Variants in PEAK1 observed in about 807,000 individuals in gnomAD.
PEAK1 encodes the protein pseudopodium enriched atypical kinase 1, also known as inactive tyrosine-protein kinase PEAK1.
Under a neutral mutation model 124.7 loss-of-function variants are expected in PEAK1, and 54 were observed. That is an observed-to-expected ratio of 0.43 (90% CI 0.35 to 0.54). PEAK1 has a LOEUF of 0.54. Among genes scored for constraint, PEAK1 ranks in the 20% least tolerant of loss-of-function variants. The pLI, the probability that PEAK1 is intolerant of heterozygous loss-of-function variation, is 0.01. For missense variants in PEAK1, 2,046 were observed against 2,134.5 expected (o/e 0.96, Z 0.82); for synonymous variants, 719 against 760.0 (o/e 0.95, Z 0.89).
chr15:77,238,832 T>C (rs1249095487), intron 6 of PEAK1, among the ~76,000 whole-genome samples: 1 of 152,162 alleles, frequency 6.6e-6, no homozygotes, highest in African/African-American at 2.4e-5. Context: ...ACTGTGAAGG[T>C]AGGGAGAGGT....
intron 1 of PEAK1, chr15:77,419,170 G>T: frequency 1.0e-6 from 1 of 985,216 alleles, no homozygotes; most frequent in Non-Finnish European, 1.2e-6. Context: ...ACAACGAATC[G>T]CAAAAAGTAA....
chr15:77,242,620 A>C (rs1463559759), intron 6 of PEAK1, among the ~76,000 whole-genome samples: 1 of 152,126 alleles, frequency 6.6e-6, no homozygotes, highest in African/African-American at 2.4e-5. Context: ...TTTCCACAAA[A>C]GGGGTCTATT....
rs1265836497 is a variant in PEAK1, at chr15:77,115,229, C to G, written c.4168G>C (p.Asp1390His). ...ACTTCAGCAAGGAAATGACCACAGT[C>G]CTGCTGAATGTTAAAATGGACAGCC... is the stretch of plus-strand genomic sequence containing the variant. ...SLAVHFNIQQDCGHFLAEVPN... is the reference protein window; with the variant it reads ...SLAVHFNIQQHCGHFLAEVPN... Residue 1390 changes from aspartate to histidine, a missense_variant, in exon 10 of 10, where the codon GAC becomes CAC. Transcript: ENST00000682557. 1.2e-6 allele frequency: 2 copies of G among 1,614,176 alleles called. No homozygotes were observed. The highest frequency in any genetic ancestry group is 1.7e-6 in the Non-Finnish European group (2 of 1,180,028).
chr15:77,105,996 C>A (rs1403181048), downstream of PEAK1: 2 of 152,276 alleles, frequency 1.3e-5, no homozygotes, highest in Non-Finnish European at 2.9e-5. Context: ...TCCAGTTACA[C>A]CAAAGGACAA....
intron 2 of PEAK1, among the ~76,000 whole-genome samples, chr15:77,351,352 G>A (rs769806368): frequency 2.6e-5 from 4 of 152,092 alleles, no homozygotes; most frequent in Non-Finnish European, 4.4e-5. Flanking sequence ...AATAGAGCTC[G>A]GTAATAGGTA....
intron 2 of PEAK1, among the ~76,000 whole-genome samples, chr15:77,295,182 G>A (rs1335772878): frequency 2.0e-5 from 3 of 152,082 alleles, no homozygotes; most frequent in African/African-American, 7.2e-5. Flanking sequence ...TATATGCACA[G>A]GCCACAGTGG....
intron 5 of PEAK1, among the ~76,000 whole-genome samples, chr15:77,272,438 A>G (rs2062087725): frequency 6.6e-6 from 1 of 152,152 alleles, no homozygotes; most frequent in Non-Finnish European, 1.5e-5. Flanking sequence ...TATAACAGCC[A>G]ATACCAAAGA....
chr15:77,160,719 A>C (rs1222474104), intron 7 of PEAK1, among the ~76,000 whole-genome samples: 1 of 152,140 alleles, frequency 6.6e-6, no homozygotes, highest in African/African-American at 2.4e-5. Flanking sequence ...AAAATGTTAA[A>C]GCTCCAGACA....
At chr15:77,284,709 G>A (rs1214133170) in intron 4 of PEAK1, among the ~76,000 whole-genome samples, 1 of 152,074 alleles carries the variant, frequency 6.6e-6, no homozygotes, top group Non-Finnish European at 1.5e-5. Flanking sequence ...ATAGCAAAAG[G>A]AGCTCAGACT....
intron 5 of PEAK1, among the ~76,000 whole-genome samples, chr15:77,267,195 C>T (rs1420371069): frequency 6.6e-6 from 1 of 152,122 alleles, no homozygotes; most frequent in African/African-American, 2.4e-5. Context: ...AACACACCCC[C>T]ATCCCCTACA....
intron 2 of PEAK1, among the ~76,000 whole-genome samples, chr15:77,301,940 T>C (rs1210869145): frequency 1.3e-5 from 2 of 152,232 alleles, no homozygotes; most frequent in Admixed American, 6.5e-5. Flanking sequence ...TGGATTATGA[T>C]CCAACAATAC....
intron 1 of PEAK1, among the ~76,000 whole-genome samples, chr15:77,366,715 G>C (rs1010020351): frequency 6.6e-6 from 1 of 152,014 alleles, no homozygotes; most frequent in Non-Finnish European, 1.5e-5. Flanking sequence ...CCACCACCAA[G>C]CCCTGCTAAT....
chr15:77,307,728 T>C (rs988646818), intron 2 of PEAK1, among the ~76,000 whole-genome samples: 1 of 152,054 alleles, frequency 6.6e-6, no homozygotes, highest in Admixed American at 6.5e-5. Flanking sequence ...CATTTTAGCT[T>C]TTGCATGTAC....
At chr15:77,218,111 T>C (rs763753821) in intron 6 of PEAK1, among the ~76,000 whole-genome samples, 89 of 152,164 alleles carry the variant, frequency 5.8e-4, no homozygotes, top group Middle Eastern at 6.3e-3. Context: ...TTTTGCCTTA[T>C]TGCACTGGAT....
At chr15:77,397,941 T>C (rs996565719) in intron 1 of PEAK1, among the ~76,000 whole-genome samples, 16 of 152,192 alleles carry the variant, frequency 1.1e-4, no homozygotes, top group African/African-American at 3.6e-4. Context: ...GGCGCATGCC[T>C]GTAATCCCAG....
At chr15:77,272,421 T>G (rs180707635) in intron 5 of PEAK1, among the ~76,000 whole-genome samples, 1 of 151,906 alleles carries the variant, frequency 6.6e-6, no homozygotes, top group South Asian at 2.1e-4. Context: ...AGAAACAAAA[T>G]GGGAGATATA....
chr15:77,403,755 G>C, intron 1 of PEAK1: 2 of 968,422 alleles, frequency 2.1e-6, no homozygotes, highest in Non-Finnish European at 1.2e-6. Context: ...TAAAGCGTAA[G>C]ATGTTAAGGA....
intron 6 of PEAK1, among the ~76,000 whole-genome samples, chr15:77,249,835 A>G (rs1444858537): frequency 1.3e-5 from 2 of 152,074 alleles, no homozygotes; most frequent in African/African-American, 4.8e-5. Flanking sequence ...TGAAACAGAT[A>G]TAATTAAATA....
At chr15:77,357,915 C>T (rs2067624058) in intron 2 of PEAK1, among the ~76,000 whole-genome samples, 1 of 152,158 alleles carries the variant, frequency 6.6e-6, no homozygotes, top group South Asian at 2.1e-4. Context: ...CTTTACCACT[C>T]CCCTCAAATC....
Sources: allele counts gnomAD v4.1 joint callset (sites outside exome capture counted in the v4.1 genomes callset), GRCh38; gene constraint gnomAD v4.1.1; transcripts MANE v1.5; gene names NCBI Gene and HGNC (gene_info 2026-07-23, HGNC 2026-07-21).